NELL1: variants seen among roughly 807,000 people sequenced by gnomAD.
NELL1 encodes neural EGFL like 1.
NELL1 carries 76 observed loss-of-function variants against 107.4 expected under a neutral mutation model. The ratio of observed to expected loss-of-function variants is 0.71; its 90% CI spans 0.59 to 0.86. The LOEUF (loss-of-function observed/expected upper bound fraction) is 0.86. NELL1 is among the 40% of genes least tolerant of loss of function. The pLI is 0.00. For missense variants in NELL1, 1,024 were observed against 1,005.5 expected, an observed-to-expected ratio of 1.02 and a Z score of -0.25; for synonymous variants, 353 against 341.2, an observed-to-expected ratio of 1.03 and a Z score of -0.38.
intron 15 of NELL1, among the ~76,000 whole-genome samples, chr11:21,478,864 A>G (rs937114065): frequency 6.6e-6 from 1 of 150,976 alleles, no homozygotes; most frequent in Non-Finnish European, 1.5e-5. Context: ...TGATAATCTG[A>G]TTTAAAAATG....
chr11:21,231,120 T>A (rs1421978644), intron 14 of NELL1, among the ~76,000 whole-genome samples: 1 of 152,086 alleles, frequency 6.6e-6, no homozygotes, highest in African/African-American at 2.4e-5. Context: ...CATACATACA[T>A]GTACACATCA....
intron 4 of NELL1, among the ~76,000 whole-genome samples, chr11:20,854,244 G>A (rs1369244112): frequency 6.6e-6 from 1 of 152,042 alleles, no homozygotes; most frequent in Non-Finnish European, 1.5e-5. Context: ...TATTACCCTG[G>A]GCAAGTCCAA....
intron 15 of NELL1, among the ~76,000 whole-genome samples, chr11:21,506,630 T>C (rs1278861719): frequency 6.6e-6 from 1 of 152,214 alleles, no homozygotes. Context: ...TAAGATAACA[T>C]GTGCAAAGCA....
intron 14 of NELL1, among the ~76,000 whole-genome samples, chr11:21,231,573 A>C (rs1165408048): frequency 6.6e-6 from 1 of 152,132 alleles, no homozygotes; most frequent in African/African-American, 2.4e-5. Context: ...ATTTTAATGC[A>C]CTTTTTTTCA....
At chr11:21,167,170 A>G (rs1169245050) in intron 13 of NELL1, among the ~76,000 whole-genome samples, 5 of 151,784 alleles carry the variant, frequency 3.3e-5, no homozygotes, top group Non-Finnish European at 5.9e-5. Context: ...TTCTACATGT[A>G]TTGGCTTTCA....
intron 14 of NELL1, among the ~76,000 whole-genome samples, chr11:21,244,142 C>G (rs1858432211): frequency 6.6e-6 from 1 of 152,064 alleles, no homozygotes; most frequent in South Asian, 2.1e-4. Context: ...GAGTAACATT[C>G]ATTAAACTTC....
chr11:21,544,093 A>G (rs1170437338), intron 16 of NELL1, among the ~76,000 whole-genome samples: 2 of 152,018 alleles, frequency 1.3e-5, no homozygotes, highest in Non-Finnish European at 2.9e-5. Context: ...ACTTTGGACC[A>G]TGACATGAAG....
At chr11:20,941,248 A>G (rs1253159629) in intron 10 of NELL1, among the ~76,000 whole-genome samples, 1 of 152,216 alleles carries the variant, frequency 6.6e-6, no homozygotes, top group Non-Finnish European at 1.5e-5. Flanking sequence ...ATTAGGAATC[A>G]GAGAATTCCT....
At chr11:20,722,586 G>A (rs1485830800) in intron 2 of NELL1, among the ~76,000 whole-genome samples, 1 of 152,174 alleles carries the variant, frequency 6.6e-6, no homozygotes, top group Non-Finnish European at 1.5e-5. Flanking sequence ...AGTTAGCTGA[G>A]GTGATACATG....
intron 15 of NELL1, among the ~76,000 whole-genome samples, chr11:21,482,925 A>T (rs990659632): frequency 1.3e-5 from 2 of 152,090 alleles, no homozygotes; most frequent in South Asian, 2.1e-4. Context: ...GATGTGATGG[A>T]TTTATGGGGC....
intron 4 of NELL1, among the ~76,000 whole-genome samples, chr11:20,876,626 G>A (rs1250840903): frequency 2.0e-5 from 3 of 152,038 alleles, no homozygotes; most frequent in African/African-American, 7.2e-5. Context: ...TTAGCTGGGC[G>A]CAGTGGCGGG....
chr11:21,389,074 T>G (rs1301960834), intron 15 of NELL1, among the ~76,000 whole-genome samples: 2 of 151,868 alleles, frequency 1.3e-5, no homozygotes, highest in African/African-American at 4.8e-5. Flanking sequence ...GCAGAGAACC[T>G]TATCATACTC....
At chr11:21,101,110 T>C (rs192649630) in intron 12 of NELL1, among the ~76,000 whole-genome samples, 1 of 152,070 alleles carries the variant, frequency 6.6e-6, no homozygotes, top group African/African-American at 2.4e-5. Context: ...GTCCTTGTGA[T>C]AGTTTGCTGA....
intron 12 of NELL1, among the ~76,000 whole-genome samples, chr11:21,000,655 A>T (rs1306500292): frequency 1.3e-5 from 2 of 152,222 alleles, no homozygotes; most frequent in African/African-American, 4.8e-5. Context: ...TTTGACCGGG[A>T]TTTATATAGA....
At chr11:20,820,658 A>C (rs1049961760) in intron 3 of NELL1, among the ~76,000 whole-genome samples, 4 of 152,124 alleles carry the variant, frequency 2.6e-5, no homozygotes, top group African/African-American at 9.7e-5. Flanking sequence ...CCTGTTGTTC[A>C]CAGGCATGTC....
intron 13 of NELL1, among the ~76,000 whole-genome samples, chr11:21,211,238 G>A (rs1432786936): frequency 6.6e-6 from 1 of 152,166 alleles, no homozygotes; most frequent in African/African-American, 2.4e-5. Flanking sequence ...CTGAGAAGGT[G>A]AAGACATACT....
chr11:20,910,217 T>C (rs2134146460), intron 5 of NELL1, among the ~76,000 whole-genome samples: 1 of 152,256 alleles, frequency 6.6e-6, no homozygotes, highest in African/African-American at 2.4e-5. Context: ...CCCGTGGTGC[T>C]CGGCAATGTT....
At chr11:21,090,165 C>G (rs1330412350) in intron 12 of NELL1, among the ~76,000 whole-genome samples, 1 of 152,112 alleles carries the variant, frequency 6.6e-6, no homozygotes, top group African/African-American at 2.4e-5. Flanking sequence ...GAGGAATGGT[C>G]AAAGAATGGG....
At chr11:21,468,913 A>C (rs1207540679) in intron 15 of NELL1, among the ~76,000 whole-genome samples, 2 of 152,078 alleles carry the variant, frequency 1.3e-5, no homozygotes, top group African/African-American at 4.8e-5. Flanking sequence ...CATGACAGGG[A>C]AGAGGCGAGT....
Sources: gnomAD v4.1 joint callset for allele counts (sites outside exome capture counted in the v4.1 genomes callset) on GRCh38, gnomAD v4.1.1 for gene constraint, MANE v1.5 for transcripts, NCBI Gene and HGNC (gene_info 2026-07-23, HGNC 2026-07-21) for gene names.